The following FSTL1 variants were observed in gnomAD, a reference collection of about 807,000 sequenced individuals.
FSTL1 encodes the protein follistatin like 1, also known as follistatin-related protein 1.
FSTL1 carries 24 observed loss-of-function variants against 45.9 expected under a neutral mutation model. The ratio of observed to expected loss-of-function variants is 0.52; its 90% CI spans 0.38 to 0.74. The LOEUF (loss-of-function observed/expected upper bound fraction) is 0.74, where lower values mean the gene tolerates loss of function less well. Ranked by LOEUF, FSTL1 falls within the 30% of genes least tolerant of loss-of-function variation. The pLI, the probability that FSTL1 is intolerant of heterozygous loss-of-function variation, is 0.00. For missense variants in FSTL1, 340 were observed against 381.8 expected (o/e 0.89, Z 0.91); for synonymous variants, 120 against 137.6 (o/e 0.87, Z 0.89).
chr3:120,449,156 A>G (rs1470079791), intron 2 of FSTL1, among the ~76,000 whole-genome samples: 1 of 152,234 alleles, frequency 6.6e-6, no homozygotes, highest in Non-Finnish European at 1.5e-5. Context: ...TCCAAAGGTA[A>G]GAGAGGTAGG....
rs569941570 is a variant in FSTL1 at position 120,397,043 on chromosome 3, T to G, written c.883-47A>C. The G allele has an allele frequency of 2.1e-6, 3 of 1,424,632 alleles. No homozygotes were observed. The South Asian group carries it at 3.4e-5, about 16-fold the overall frequency. The allele number at this position is 1,424,632 out of a possible 1,614,324, so 88.2% of individuals were successfully genotyped here. A position where few individuals can be genotyped will look rare whatever the true frequency, so the allele number is the denominator to read the frequency against. Reference sequence around the variant, plus strand: ...AGGCGTCATGGAAATATTAAACAACTGTTGGAATTTATCTGTTCCTCAAGA... The same window carrying G: ...AGGCGTCATGGAAATATTAAACAACGGTTGGAATTTATCTGTTCCTCAAGA... On this transcript the variant is annotated intron_variant, in intron 10 of 10. Coordinates refer to ENST00000295633, the MANE Select transcript of FSTL1 (RefSeq NM_007085.5).
chr3:120,403,537 G>A (rs908587965), intron 7 of FSTL1, among the ~76,000 whole-genome samples, 183 bp from the exon 8 acceptor site: 2 of 152,096 alleles, frequency 1.3e-5, no homozygotes, highest in Non-Finnish European at 2.9e-5. Flanking sequence ...ACCAATGCAG[G>A]CATCTAACCT....
At chr3:120,443,781 GA>G (rs1937679317) in intron 2 of FSTL1, among the ~76,000 whole-genome samples, 1 of 149,838 alleles carries the variant, frequency 6.7e-6, no homozygotes, top group African/African-American at 2.6e-5. Context: ...CTAATCCTGG[GA>G]ATAGTTTATT....
chr3:120,415,341 A>T (rs895067550), intron 3 of FSTL1, among the ~76,000 whole-genome samples: 5 of 152,226 alleles, frequency 3.3e-5, no homozygotes, highest in African/African-American at 1.2e-4. Flanking sequence ...GATTGAATAA[A>T]TCTAGTTCTT....
rs1254103712 is a variant in FSTL1 at position 120,394,896 on chromosome 3, T to TGTTCTAAATGACTA, written c.*2042_*2055dup. The TGTTCTAAATGACTA allele has an allele frequency of 6.6e-6, 1 of 152,244 alleles. No homozygotes were observed. Among genetic ancestry groups the TGTTCTAAATGACTA allele is most frequent in the East Asian group, 1.9e-4 (1 of 5,196 alleles). The allele number at this position is 152,244 out of a possible 1,614,324, so 9.4% of individuals were successfully genotyped here. The stretch of plus-strand genomic sequence containing the variant: ...GTAGAGTAGTCTTGGATGATAACCA[T>TGTTCTAAATGACTA]GTTCTAAATGACTAGTGAAGAGACA... On this transcript the variant is annotated 3_prime_UTR_variant, in exon 11 of 11. Coordinates refer to ENST00000295633, the MANE Select transcript of FSTL1 (RefSeq NM_007085.5).
chr3:120,410,258 G>A (rs146018063), intron 5 of FSTL1: 1 of 170,380 alleles, frequency 5.9e-6, no homozygotes, highest in East Asian at 1.7e-4. Flanking sequence ...GAGTTGAGTG[G>A]ATGGGGAAGC....
At chr3:120,430,994 C>G (rs1056456935) in intron 2 of FSTL1, among the ~76,000 whole-genome samples, 2 of 151,910 alleles carry the variant, frequency 1.3e-5, no homozygotes, top group Non-Finnish European at 2.9e-5. Context: ...TTTTTTGAGA[C>G]GAAGTCTCAA....
chr3:120,418,394 T>C (rs1041109648), intron 2 of FSTL1, among the ~76,000 whole-genome samples: 2 of 152,214 alleles, frequency 1.3e-5, no homozygotes, highest in African/African-American at 4.8e-5. Flanking sequence ...CTCCCATTTA[T>C]AAATATCCGG....
chr3:120,409,799 C>T (rs1937017402), intron 5 of FSTL1, 137 bp from the exon 6 acceptor site: 2 of 661,060 alleles, frequency 3.0e-6, no homozygotes, highest in African/African-American at 1.8e-5. Flanking sequence ...AGGATTAGCA[C>T]ATCCAGGGTA....
At chr3:120,428,309 G>A (rs1048044519) in intron 2 of FSTL1, among the ~76,000 whole-genome samples, 2 of 152,194 alleles carry the variant, frequency 1.3e-5, no homozygotes, top group Admixed American at 6.5e-5. Context: ...GAACTGTGAT[G>A]CCCAACCAAG....
chr3:120,410,496 GA>G, intron 5 of FSTL1: 1 of 305,748 alleles, frequency 3.3e-6, no homozygotes, highest in South Asian at 2.9e-5. Flanking sequence ...AGAATCTAAG[GA>G]AAGTATGTGC....
intron 2 of FSTL1, among the ~76,000 whole-genome samples, chr3:120,436,627 T>C (rs1324442067): frequency 6.6e-6 from 1 of 152,044 alleles, no homozygotes; most frequent in African/African-American, 2.4e-5. Context: ...CAAGGCCACA[T>C]AGGATAAGAA....
chr3:120,417,494 C>A (rs547513314), intron 2 of FSTL1, among the ~76,000 whole-genome samples: 197 of 152,258 alleles, frequency 1.3e-3, no homozygotes, highest in African/African-American at 4.6e-3. Context: ...TAAACCAATT[C>A]TTTTTTGAAT....
intron 9 of FSTL1, 95 bp downstream of exon 9, chr3:120,402,713 C>T (rs1466113788): frequency 2.4e-6 from 2 of 822,892 alleles, no homozygotes; most frequent in Non-Finnish European, 4.2e-6. Flanking sequence ...CAGCCACCGC[C>T]CTCTTCTCCA....
chr3:120,396,768 G>GC lies in FSTL1; in HGVS notation c.*183dup. ...AGCACTCCTAGAAATGAAGGCTGTG[G>GC]CCCTTCCCTTCCTAGCCAGCCACCT... On this transcript the variant is annotated 3_prime_UTR_variant, in exon 11 of 11. Transcript: ENST00000295633. 5 of 600,726 alleles carry GC rather than the reference G, an allele frequency of 8.3e-6. No individual in the cohort carries two copies. The East Asian group carries it at 1.4e-4, about 16-fold the overall frequency. The allele number at this position is 600,726 out of a possible 1,614,324, so 37.2% of individuals were successfully genotyped here. A position where few individuals can be genotyped will look rare whatever the true frequency, so the allele number is the denominator to read the frequency against.
intron 2 of FSTL1, among the ~76,000 whole-genome samples, chr3:120,431,804 AGAGATT>A: frequency 6.6e-6 from 1 of 152,356 alleles, no homozygotes; most frequent in Non-Finnish European, 1.5e-5. Context: ...TGAAGTCAAT[AGAGATT>A]ATCTGAACAT....
chr3:120,450,430 TCTC>T (rs1182718611), intron 2 of FSTL1, among the ~76,000 whole-genome samples: 1 of 151,940 alleles, frequency 6.6e-6, no homozygotes, highest in Non-Finnish European at 1.5e-5. Flanking sequence ...GCCCGTCCCC[TCTC>T]CTCCTCCCCG....
At chr3:120,417,363 G>T (rs908303222) in intron 2 of FSTL1, among the ~76,000 whole-genome samples, 3 of 152,208 alleles carry the variant, frequency 2.0e-5, no homozygotes, top group Non-Finnish European at 4.4e-5. Context: ...GCCACCCAGA[G>T]GCTGCTCTGC....
intron 2 of FSTL1, among the ~76,000 whole-genome samples, chr3:120,425,885 A>G (rs1937367768): frequency 6.6e-6 from 1 of 152,158 alleles, no homozygotes; most frequent in African/African-American, 2.4e-5. Context: ...GAGTGTCCTG[A>G]TTTTGTTTCT....
Sources: allele counts gnomAD v4.1 joint callset (sites outside exome capture counted in the v4.1 genomes callset), GRCh38; gene constraint gnomAD v4.1.1; transcripts MANE v1.5; gene names NCBI Gene and HGNC (gene_info 2026-07-23, HGNC 2026-07-21).